ADAMTSL3: variants seen among roughly 807,000 people sequenced by gnomAD.
The protein encoded by ADAMTSL3 is ADAMTS like 3, also known as ADAMTS-like protein 3.
A neutral mutation model predicts 201.7 loss-of-function variants in ADAMTSL3; 128 were observed. That is an observed-to-expected ratio of 0.63 (90% CI 0.55 to 0.73). The LOEUF is 0.73. Among genes scored for constraint, ADAMTSL3 ranks in the 30% least tolerant of loss-of-function variants. The pLI is 0.00. For synonymous variants in ADAMTSL3, 738 were observed against 748.4 expected (o/e 0.99, Z 0.23); for missense variants, 1,990 against 2,119.6 (o/e 0.94, Z 1.20).
At chr15:83,727,237 T>C (rs1428827274) in intron 3 of ADAMTSL3, among the ~76,000 whole-genome samples, 3 of 152,006 alleles carry the variant, frequency 2.0e-5, no homozygotes, top group Admixed American at 6.6e-5. Flanking sequence ...GTGTCTCTTA[T>C]AATGTCTCCT....
chr15:83,993,130 T>C (rs1194426943), intron 23 of ADAMTSL3, among the ~76,000 whole-genome samples: 1 of 152,242 alleles, frequency 6.6e-6, no homozygotes, highest in Non-Finnish European at 1.5e-5. Flanking sequence ...TGTTTTCTTA[T>C]GGGCAGAAGC....
intron 20 of ADAMTSL3, among the ~76,000 whole-genome samples, chr15:83,975,026 C>T (rs959892937): frequency 4.0e-5 from 5 of 123,962 alleles, no homozygotes; most frequent in South Asian, 5.4e-4. Flanking sequence ...TTTTTTGAGA[C>T]GGAGTCTCGC....
rs2061049005 is a variant in ADAMTSL3, at chr15:83,654,484, T to A, written c.-34+208T>A. On this transcript the variant is annotated intron_variant, in intron 1 of 29. Coordinates refer to ENST00000286744, the MANE Select transcript of ADAMTSL3 (RefSeq NM_207517.3). This position sits in a 1 kb window ranked among gnomAD's most constrained non-coding sequence, Gnocchi z 5.3. The stretch of plus-strand genomic sequence containing the variant: ...CTCGGGTCGGGCGCGCTTCGTGCCG[T>A]CCCGGAAGGTTCAGGGAGAGTCTTT... Among the ~76,000 whole-genome samples the A allele has an allele frequency of 2.0e-5, 3 of 151,874 alleles. No homozygotes were observed. The South Asian group carries it at 6.2e-4, about 32-fold the overall frequency.
chr15:84,020,813 T>G (rs2068189975), intron 25 of ADAMTSL3, among the ~76,000 whole-genome samples: 1 of 152,232 alleles, frequency 6.6e-6, no homozygotes, highest in East Asian at 1.9e-4. Context: ...GCTTCTACTC[T>G]TGTAAAGGAA....
At chr15:84,023,353 G>A (rs1210535844) in intron 26 of ADAMTSL3, among the ~76,000 whole-genome samples, 3 of 152,202 alleles carry the variant, frequency 2.0e-5, no homozygotes, top group African/African-American at 7.2e-5. Flanking sequence ...AATGTTTAAT[G>A]TTATATAGCT....
chr15:83,884,966 G>A (rs1198197486), intron 9 of ADAMTSL3, 135 bp from the exon 10 acceptor site: 2 of 599,698 alleles, frequency 3.3e-6, no homozygotes, highest in African/African-American at 3.8e-5. Context: ...TAAACTTATT[G>A]GACTCTTGCC....
At chr15:83,703,413 C>G (rs2061802276) in intron 2 of ADAMTSL3, among the ~76,000 whole-genome samples, 1 of 152,088 alleles carries the variant, frequency 6.6e-6, no homozygotes, top group African/African-American at 2.4e-5. Context: ...TGGTTTGGCT[C>G]TGTGTCCCCA....
chr15:84,016,289 T>A, intron 24 of ADAMTSL3, 94 bp from the exon 25 acceptor site: 1 of 903,028 alleles, frequency 1.1e-6, no homozygotes, highest in Non-Finnish European at 1.8e-6. Flanking sequence ...TATAGAGGAC[T>A]CATTTTCTAA....
chr15:83,744,334 C>G (rs531028318), intron 3 of ADAMTSL3, among the ~76,000 whole-genome samples: 1 of 152,222 alleles, frequency 6.6e-6, no homozygotes, highest in South Asian at 2.1e-4. Context: ...TTACATACTT[C>G]AGATTCCATG....
intron 23 of ADAMTSL3, among the ~76,000 whole-genome samples, chr15:83,992,080 A>C (rs1217674595): frequency 6.6e-6 from 1 of 152,138 alleles, no homozygotes; most frequent in Non-Finnish European, 1.5e-5. Flanking sequence ...CCAAGTTCTA[A>C]TTAGATACCT....
At chr15:83,872,765 A>T (rs1320768485) in intron 9 of ADAMTSL3, among the ~76,000 whole-genome samples, 1 of 111,494 alleles carries the variant, frequency 9.0e-6, no homozygotes, top group African/African-American at 3.9e-5. Flanking sequence ...GTATTTCAAG[A>T]TATTGTTTGG....
At chr15:83,976,808 T>C (rs2067296404) in intron 20 of ADAMTSL3, among the ~76,000 whole-genome samples, 1 of 152,198 alleles carries the variant, frequency 6.6e-6, no homozygotes, top group African/African-American at 2.4e-5. Flanking sequence ...CACCTCCTGC[T>C]GTGAGGCCTG....
intron 19 of ADAMTSL3, among the ~76,000 whole-genome samples, chr15:83,947,194 C>T (rs909838785): frequency 2.0e-5 from 3 of 152,196 alleles, no homozygotes; most frequent in African/African-American, 7.2e-5. Flanking sequence ...CACTTGGGGG[C>T]AGCCATCCAT....
intron 9 of ADAMTSL3, among the ~76,000 whole-genome samples, chr15:83,878,949 C>G (rs1295736896): frequency 6.6e-6 from 1 of 151,900 alleles, no homozygotes; most frequent in Non-Finnish European, 1.5e-5. Context: ...CATTTAATGT[C>G]TTTGAAAGAT....
intron 4 of ADAMTSL3, among the ~76,000 whole-genome samples, chr15:83,781,753 A>C (rs571912379): frequency 6.6e-6 from 1 of 152,348 alleles, no homozygotes; most frequent in Admixed American, 6.5e-5. Context: ...AACTCCATTA[A>C]AAAGTGGGCA....
chr15:83,670,150 T>G (rs1257514845), intron 2 of ADAMTSL3, among the ~76,000 whole-genome samples: 2 of 149,270 alleles, frequency 1.3e-5, no homozygotes, highest in African/African-American at 2.5e-5. Flanking sequence ...CCCAGCTACT[T>G]GGGAGGCTGA....
chr15:83,777,711 C>T (rs1567138238), intron 4 of ADAMTSL3, among the ~76,000 whole-genome samples: 1 of 152,178 alleles, frequency 6.6e-6, no homozygotes, highest in East Asian at 1.9e-4. Flanking sequence ...AAAGCCAGAG[C>T]ACCTTCTTTC....
intron 2 of ADAMTSL3, among the ~76,000 whole-genome samples, chr15:83,658,078 G>A (rs1350307308): frequency 2.6e-5 from 4 of 152,208 alleles, no homozygotes; most frequent in Non-Finnish European, 5.9e-5. Context: ...AGCAAGGGAT[G>A]TGCCAACTAA....
chr15:83,897,861 A>G lies in ADAMTSL3; in HGVS notation c.1471A>G (p.Thr491Ala), dbSNP rs1209480111. 1 of 1,598,512 alleles carries G rather than the reference A, an allele frequency of 6.3e-7. No homozygotes were observed. The highest frequency in any genetic ancestry group is 8.5e-7 in the Non-Finnish European group (1 of 1,170,758). The change falls in exon 14 of 30, where the codon ACA becomes GCA. Residue 491 changes from threonine (T) to alanine (A), a missense_variant. Coordinates refer to ENST00000286744, the MANE Select transcript of ADAMTSL3 (RefSeq NM_207517.3). Reference sequence around the variant, plus strand: ...GCTTCTCTTTTCTTCTTTGAAGTGCACAGTGACTTGTGGCCGAGGGTTACG... The same window carrying G: ...GCTTCTCTTTTCTTCTTTGAAGTGCGCAGTGACTTGTGGCCGAGGGTTACG... The part of the protein sequence containing the change: ...KWIAMEWSQC[T>A]VTCGRGLRYR...
Sources: gnomAD v4.1 joint callset for allele counts (sites outside exome capture counted in the v4.1 genomes callset) on GRCh38, gnomAD v4.1.1 for gene constraint, Gnocchi (gnomAD v3.1) non-coding constraint, MANE v1.5 for transcripts, NCBI Gene and HGNC (gene_info 2026-07-23, HGNC 2026-07-21) for gene names.